Variants in SLC22A25 observed in about 807,000 individuals in gnomAD.
SLC22A25 encodes the protein solute carrier family 22 member 25, also known as MGI:2442751, MGI:2385316, MGI:3042283, MGI:3645714, MGI:3605624, MGI:2442750.
Under a neutral mutation model 45.9 loss-of-function variants are expected in SLC22A25, and 44 were observed. The ratio of observed to expected loss-of-function variants is 0.96; its 90% CI spans 0.75 to 1.23. The LOEUF (loss-of-function observed/expected upper bound fraction) is 1.23. Ranked by LOEUF, SLC22A25 falls within the 50% of genes most tolerant of loss-of-function variation. SLC22A25 has a pLI of 0.00. For synonymous variants in SLC22A25, 283 were observed against 238.6 expected, an observed-to-expected ratio of 1.19 and a Z score of -1.72; for missense variants, 800 against 666.4, an observed-to-expected ratio of 1.20 and a Z score of -2.21.
intron 7 of SLC22A25, among the ~76,000 whole-genome samples, chr11:63,194,933 A>AAAAAAAG (rs2088959815): frequency 9.1e-6 from 1 of 110,456 alleles, no homozygotes; most frequent in Non-Finnish European, 1.9e-5. Flanking sequence ...AAAAAAAAAA[A>AAAAAAAG]AAAGCAGGGG....
At chr11:63,233,507 C>A (rs1353233949) in intron 3 of SLC22A25, among the ~76,000 whole-genome samples, 3 of 152,212 alleles carry the variant, frequency 2.0e-5, no homozygotes, top group African/African-American at 7.2e-5. Flanking sequence ...TTTATTGCAT[C>A]TACTTGATTT....
At chr11:63,222,193 G>A (rs2089868898) in intron 5 of SLC22A25, among the ~76,000 whole-genome samples, 1 of 152,068 alleles carries the variant, frequency 6.6e-6, no homozygotes. Flanking sequence ...GATAGAGATT[G>A]CATTGAATCT....
At chr11:63,203,425 A>G (rs964001718) in intron 7 of SLC22A25, among the ~76,000 whole-genome samples, 5 of 152,010 alleles carry the variant, frequency 3.3e-5, no homozygotes, top group African/African-American at 1.2e-4. Flanking sequence ...GGATAGATGA[A>G]TGGCTAACTA....
intron 9 of SLC22A25, chr11:63,166,595 T>G: frequency 9.6e-7 from 1 of 1,041,112 alleles, no homozygotes; most frequent in Middle Eastern, 4.7e-4. Flanking sequence ...TTCACAGTAA[T>G]GAAAATATAC....
intron 3 of SLC22A25, among the ~76,000 whole-genome samples, chr11:63,235,707 A>C (rs186328449): frequency 3.9e-5 from 6 of 152,250 alleles, no homozygotes; most frequent in African/African-American, 1.4e-4. Context: ...TCCTTTAGAG[A>C]GGAGAGGTGC....
chr11:63,208,514 C>G (rs962676645), intron 7 of SLC22A25, among the ~76,000 whole-genome samples: 2 of 152,046 alleles, frequency 1.3e-5, no homozygotes, highest in South Asian at 2.1e-4. Context: ...ACCCGGGACA[C>G]GAGAGAGGCT....
At chr11:63,175,705 T>C (rs1432574004) in intron 9 of SLC22A25, among the ~76,000 whole-genome samples, 1 of 152,064 alleles carries the variant, frequency 6.6e-6, no homozygotes, top group Non-Finnish European at 1.5e-5. Flanking sequence ...TCACCTATGT[T>C]TTCTTCTAGG....
intron 1 of SLC22A25, chr11:63,243,191 G>A (rs767319843): frequency 8.8e-6 from 2 of 227,932 alleles, no homozygotes; most frequent in South Asian, 6.8e-5. Context: ...ATCAAGAAGC[G>A]CTACCTTCAG....
At position 63,229,715 on chromosome 11, in the gene SLC22A25, GA is replaced by G; in HGVS notation, c.-64del. The G allele has an allele frequency of 6.7e-7, 1 of 1,497,584 alleles. No individual in the cohort carries two copies. The highest frequency in any genetic ancestry group is 1.4e-5 in the African/African-American group (1 of 72,016). 92.8% of individuals were successfully genotyped at this position (1,497,584 alleles called of 1,614,324 possible). On this transcript the variant is annotated 5_prime_UTR_variant, in exon 4 of 12. Transcript: ENST00000306494. ...GACTGTATCCAGATAAGTTCAAAGA[GA>G]AAATATTTCCTTTCCTTAAATCACA...
intron 3 of SLC22A25, among the ~76,000 whole-genome samples, chr11:63,233,555 T>C (rs1418362155): frequency 1.3e-5 from 2 of 152,216 alleles, no homozygotes; most frequent in African/African-American, 4.8e-5. Context: ...GCTAGCAGTC[T>C]ATCAATTTTG....
Position 63,161,376 on chromosome 11 carries a change from G to A in SLC22A25, c.*2448C>T, listed in dbSNP as rs955916298. 3.3e-5 allele frequency among the ~76,000 whole-genome samples: 5 copies of A among 152,124 alleles called. No individual in the cohort carries two copies. Among genetic ancestry groups the A allele is most frequent in the African/African-American group, 1.2e-4 (5 of 41,432 alleles). On this transcript the variant is annotated 3_prime_UTR_variant, in exon 12 of 12. Transcript: ENST00000306494. The stretch of plus-strand genomic sequence containing the variant: ...GGGGACTGTTGGGAAGGCATGATTA[G>A]TTTTGAAATGTGAGGACATGAGATT...
chr11:63,216,984 A>G (rs181689938), intron 7 of SLC22A25, among the ~76,000 whole-genome samples: 340 of 152,298 alleles, frequency 2.2e-3, no homozygotes, highest in African/African-American at 7.8e-3. Flanking sequence ...GGAACCTCCT[A>G]TGTTTTATTC....
chr11:63,211,140 A>T (rs1015876961), intron 7 of SLC22A25, among the ~76,000 whole-genome samples: 3 of 152,140 alleles, frequency 2.0e-5, no homozygotes, highest in Middle Eastern at 3.2e-3. Context: ...GACTTGCTGC[A>T]AACAGACCCC....
At chr11:63,236,067 C>T (rs2090157416) in intron 3 of SLC22A25, among the ~76,000 whole-genome samples, 1 of 152,194 alleles carries the variant, frequency 6.6e-6, no homozygotes, top group Admixed American at 6.5e-5. Context: ...GGGGGTGCCT[C>T]CCAGTTAGGC....
intron 4 of SLC22A25, among the ~76,000 whole-genome samples, 188 bp downstream of exon 4, chr11:63,229,063 T>C (rs1261848708): frequency 6.6e-6 from 1 of 152,228 alleles, no homozygotes; most frequent in African/African-American, 2.4e-5. Context: ...GGGTCACATC[T>C]ACTTTTGAAT....
At position 63,159,421 on chromosome 11, in the gene SLC22A25, T is replaced by G. The variant is rs1386214514; in HGVS notation, c.*4403A>C. ...TGCTATTCTTGTGATACTGAATAAG[T>G]TTCATGAGATCTGAGGGTTTTATAA... On this transcript the variant is annotated 3_prime_UTR_variant, in exon 12 of 12. Coordinates refer to ENST00000306494, the MANE Select transcript of SLC22A25 (RefSeq NM_199352.6). Among the ~76,000 whole-genome samples the G allele has an allele frequency of 6.6e-6, 1 of 152,166 alleles. No individual in the cohort carries two copies. The highest frequency in any genetic ancestry group is 1.5e-5 in the Non-Finnish European group (1 of 68,032).
At position 63,166,112 on chromosome 11, in the gene SLC22A25, C is replaced by A. The variant is rs760452836; in HGVS notation, c.1217G>T (p.Arg406Leu). 1 of 1,613,992 alleles carries A rather than the reference C, an allele frequency of 6.2e-7. No individual in the cohort carries two copies. Among genetic ancestry groups the A allele is most frequent in the Non-Finnish European group, 8.5e-7 (1 of 1,179,956 alleles). The change falls in exon 10 of 12, where the codon CGA (arginine) becomes CTA (leucine). Residue 406 changes from arginine (R) to leucine (L), a missense_variant. Physicochemically the swap from Arg to Leu is moderately radical, Grantham distance 102 (BLOSUM62 -2). Coordinates refer to ENST00000306494, the MANE Select transcript of SLC22A25 (RefSeq NM_199352.6). ...GAACATGAGAAGCATCTGGCTTAGTCGACGGCTCATGTGATTCAGTGCCCA... is the reference window on the plus strand; with the variant it reads ...GAACATGAGAAGCATCTGGCTTAGTAGACGGCTCATGTGATTCAGTGCCCA... Reference protein sequence around the residue: ...APWALNHMSRRLSQMLLMFLL... With the variant: ...APWALNHMSRLLSQMLLMFLL...
chr11:63,197,651 G>C (rs910119739), intron 7 of SLC22A25, among the ~76,000 whole-genome samples: 1 of 152,120 alleles, frequency 6.6e-6, no homozygotes, highest in South Asian at 2.1e-4. Context: ...TACCATTCAG[G>C]ACCTAGGCAT....
rs1350070286 is a variant in SLC22A25, at chr11:63,161,428, T to C, written c.*2396A>G. Among the ~76,000 whole-genome samples the C allele has an allele frequency of 6.6e-6, 1 of 152,124 alleles. No individual in the cohort carries two copies. Among genetic ancestry groups the C allele is most frequent in the East Asian group, 1.9e-4 (1 of 5,206 alleles). On this transcript the variant is annotated 3_prime_UTR_variant, in exon 12 of 12. Transcript: ENST00000306494. ...GGGAGGGGCCAGGGGCAGAATGATATGGTTTGACTGTGTCCGCCTACCCAA... is the reference window on the plus strand; with the variant it reads ...GGGAGGGGCCAGGGGCAGAATGATACGGTTTGACTGTGTCCGCCTACCCAA...
Sources: gnomAD v4.1 joint callset for allele counts (sites outside exome capture counted in the v4.1 genomes callset) on GRCh38, gnomAD v4.1.1 for gene constraint, MANE v1.5 for transcripts, NCBI Gene and HGNC (gene_info 2026-07-23, HGNC 2026-07-21) for gene names.